Variants in ADAMTSL1 observed in about 807,000 individuals in gnomAD.
ADAMTSL1 encodes the protein ADAMTS like 1, also known as ADAMTS-like protein 1.
Under a neutral mutation model 201.8 loss-of-function variants are expected in ADAMTSL1, and 126 were observed. The observed-to-expected ratio is 0.62, with a 90% confidence interval of 0.54 to 0.72. ADAMTSL1 has a LOEUF of 0.72. Ranked by LOEUF, ADAMTSL1 falls within the 30% of genes least tolerant of loss-of-function variation. The pLI, the probability that ADAMTSL1 is intolerant of heterozygous loss-of-function variation, is 0.00. For missense variants in ADAMTSL1, 2,679 were observed against 2,277.8 expected (o/e 1.18, Z -3.59); for synonymous variants, 1,121 against 903.4 (o/e 1.24, Z -4.32).
intron 1 of ADAMTSL1, among the ~76,000 whole-genome samples, chr9:18,080,954 A>G (rs1183067992): frequency 6.6e-6 from 1 of 152,190 alleles, no homozygotes; most frequent in Non-Finnish European, 1.5e-5. Context: ...TATTTTATGC[A>G]TTTGTGAGTC....
chr9:18,865,627 G>A (rs1445294271), intron 23 of ADAMTSL1, among the ~76,000 whole-genome samples: 1 of 152,130 alleles, frequency 6.6e-6, no homozygotes, highest in Non-Finnish European at 1.5e-5. Context: ...ATGAAACTAG[G>A]GAGAGGAAAT....
chr9:17,922,512 A>G (rs1443213698), intron 1 of ADAMTSL1, among the ~76,000 whole-genome samples: 4 of 152,144 alleles, frequency 2.6e-5, no homozygotes, highest in African/African-American at 7.2e-5. Context: ...TGCGTTTATT[A>G]CCGGTACCCC....
intron 1 of ADAMTSL1, among the ~76,000 whole-genome samples, chr9:18,144,230 A>G (rs1267612633): frequency 6.6e-6 from 1 of 151,722 alleles, no homozygotes; most frequent in Non-Finnish European, 1.5e-5. Context: ...TTTTTTTGAG[A>G]CCGAGTGTCC....
chr9:18,513,961 C>T (rs531968512), intron 2 of ADAMTSL1, among the ~76,000 whole-genome samples: 4 of 152,142 alleles, frequency 2.6e-5, no homozygotes, highest in South Asian at 2.1e-4. Flanking sequence ...CAATATTGTT[C>T]TGAACATTCC....
chr9:18,734,739 C>T (rs540680527), intron 15 of ADAMTSL1, among the ~76,000 whole-genome samples: 1 of 152,220 alleles, frequency 6.6e-6, no homozygotes, highest in African/African-American at 2.4e-5. Flanking sequence ...GTTCTTAGAG[C>T]TGGTAAAATA....
chr9:18,656,461 C>T (rs1828668824), intron 7 of ADAMTSL1, among the ~76,000 whole-genome samples: 1 of 151,772 alleles, frequency 6.6e-6, no homozygotes, highest in Non-Finnish European at 1.5e-5. Flanking sequence ...AACCCCGTCT[C>T]TACTAAAAAT....
chr9:18,384,326 A>G (rs1027535300), intron 2 of ADAMTSL1, among the ~76,000 whole-genome samples: 1 of 152,134 alleles, frequency 6.6e-6, no homozygotes, highest in Non-Finnish European at 1.5e-5. Flanking sequence ...CATGATCACA[A>G]GAACAGCAAG....
chr9:17,946,160 C>G (rs940856206), intron 1 of ADAMTSL1, among the ~76,000 whole-genome samples: 14 of 148,890 alleles, frequency 9.4e-5, no homozygotes, highest in Middle Eastern at 3.4e-3. Context: ...CCATGCCCAG[C>G]TATTTTTTTT....
At chr9:18,048,428 T>A (rs1318782025) in intron 1 of ADAMTSL1, among the ~76,000 whole-genome samples, 1 of 152,094 alleles carries the variant, frequency 6.6e-6, no homozygotes, top group Non-Finnish European at 1.5e-5. Flanking sequence ...AATAAGAAAA[T>A]CTGAGTAGAG....
At chr9:18,587,100 A>G (rs553831697) in intron 4 of ADAMTSL1, among the ~76,000 whole-genome samples, 4 of 152,300 alleles carry the variant, frequency 2.6e-5, no homozygotes, top group Admixed American at 1.3e-4. Flanking sequence ...TTGACAAATG[A>G]AATCTAATTA....
At chr9:18,865,796 A>G (rs112086426) in intron 23 of ADAMTSL1, among the ~76,000 whole-genome samples, 1 of 152,110 alleles carries the variant, frequency 6.6e-6, no homozygotes, top group African/African-American at 2.4e-5. Flanking sequence ...CAGCCTTGCC[A>G]AGTGCTGCGT....
chr9:18,780,965 T>C (rs1369492421), intron 19 of ADAMTSL1, among the ~76,000 whole-genome samples: 1 of 152,210 alleles, frequency 6.6e-6, no homozygotes, highest in African/African-American at 2.4e-5. Flanking sequence ...TATGCTGTGG[T>C]TTCAAAGTTC....
Position 18,061,899 on chromosome 9 carries a change from C to A in ADAMTSL1, c.88-101963C>A, listed in dbSNP as rs1438234001. Reference sequence around the variant, plus strand: ...AAACGGCATCTTCAATTTTCAATAGCAAAATGATTGAGCATTTGTGCAAAG... The same window carrying A: ...AAACGGCATCTTCAATTTTCAATAGAAAAATGATTGAGCATTTGTGCAAAG... On this transcript the variant is annotated intron_variant, in intron 1 of 29. Coordinates refer to the ADAMTSL1 transcript ENST00000680146. Among the ~76,000 whole-genome samples the A allele has an allele frequency of 2.0e-5, 3 of 152,268 alleles. No homozygotes were observed. In the East Asian group the frequency reaches 5.8e-4, roughly 29 times the overall value.
intron 2 of ADAMTSL1, among the ~76,000 whole-genome samples, chr9:18,178,765 A>G (rs1025744072): frequency 2.0e-5 from 3 of 152,192 alleles, no homozygotes; most frequent in Non-Finnish European, 2.9e-5. Context: ...AAGCAGGGGC[A>G]GACTGACACC....
rs866869053 is a variant in ADAMTSL1, at chr9:18,905,896, G to T, written c.4961+5G>T. On this transcript the variant is annotated splice_donor_5th_base_variant and intron_variant, in intron 27 of 28. Transcript: ENST00000380548. Reference sequence around the variant, plus strand: ...GCAGTGCAGTGCTCTTCCGAGGTAAGAGAAAGCCCTGAATCTCCTTTTCCC... The same window carrying T: ...GCAGTGCAGTGCTCTTCCGAGGTAATAGAAAGCCCTGAATCTCCTTTTCCC... The T allele has an allele frequency of 6.2e-7, 1 of 1,600,848 alleles. No homozygotes were observed. Among genetic ancestry groups the T allele is most frequent in the South Asian group, 1.1e-5 (1 of 89,026 alleles).
chr9:18,718,347 G>A (rs4977341), intron 14 of ADAMTSL1: 402,524 of 727,480 alleles, frequency 0.55, 113,950 homozygotes, highest in Admixed American at 0.67. Context: ...ACATTGTTCC[G>A]TTCCTGCAGT....
chr9:18,049,945 A>C (rs1444265554), intron 1 of ADAMTSL1, among the ~76,000 whole-genome samples: 2 of 152,156 alleles, frequency 1.3e-5, no homozygotes, highest in East Asian at 3.9e-4. Flanking sequence ...TCTGTGGGAT[A>C]AAAGCACCTT....
Position 18,845,009 on chromosome 9 carries a change from G to A in ADAMTSL1, c.4249+15032G>A, listed in dbSNP as rs149383581. On this transcript the variant is annotated intron_variant, in intron 23 of 28. Transcript: ENST00000380548. ...CGCTTCCCGAGTGAGGCAATGCCTC[G>A]CCCTGCTTCGGCTCATGCACGGTGC... is the stretch of plus-strand genomic sequence containing the variant. Among the ~76,000 whole-genome samples the A allele has an allele frequency of 5.9e-3, 904 of 152,256 alleles. 13 individuals carry two copies. Among genetic ancestry groups the A allele is most frequent in the African/African-American group, 0.02 (836 of 41,522 alleles).
intron 25 of ADAMTSL1, chr9:18,890,458 G>C: frequency 2.2e-6 from 1 of 455,426 alleles, no homozygotes; most frequent in Non-Finnish European, 4.4e-6. Context: ...AGTGCTGAGA[G>C]CCTGGGGGGA....
Sources: gnomAD v4.1 joint callset for allele counts (sites outside exome capture counted in the v4.1 genomes callset) on GRCh38, gnomAD v4.1.1 for gene constraint, MANE v1.5 for transcripts, NCBI Gene and HGNC (gene_info 2026-07-23, HGNC 2026-07-21) for gene names.